Variants in KCNMA1 observed in about 807,000 individuals in gnomAD.
KCNMA1 encodes Calcium-activated potassium channel subunit alpha-1.
KCNMA1 carries 29 observed loss-of-function variants against 140.0 expected under a neutral mutation model. That is an observed-to-expected ratio of 0.21 (90% CI 0.15 to 0.28). The LOEUF (loss-of-function observed/expected upper bound fraction) is 0.28, where lower values mean the gene tolerates loss of function less well. Ranked by LOEUF, KCNMA1 falls within the 10% of genes least tolerant of loss-of-function variation. The pLI, the probability that KCNMA1 is intolerant of heterozygous loss-of-function variation, is 1.00. For synonymous variants in KCNMA1, 612 were observed against 611.9 expected (o/e 1.00, Z 0.00); for missense variants, 880 against 1,602.2 (o/e 0.55, Z 7.70).
At chr10:77,599,656 A>C (rs1450819018) in intron 1 of KCNMA1, among the ~76,000 whole-genome samples, 1 of 152,240 alleles carries the variant, frequency 6.6e-6, no homozygotes, top group African/African-American at 2.4e-5. Flanking sequence ...ATGTGTGATC[A>C]TGAAGCACCT....
chr10:77,102,174 T>C (rs1242387591), intron 9 of KCNMA1, among the ~76,000 whole-genome samples: 1 of 152,242 alleles, frequency 6.6e-6, no homozygotes, highest in African/African-American at 2.4e-5. Flanking sequence ...CTCGTGTTAA[T>C]TCCTTTAAGG....
chr10:77,524,711 G>A (rs1462686275), intron 1 of KCNMA1, among the ~76,000 whole-genome samples: 2 of 152,086 alleles, frequency 1.3e-5, no homozygotes, highest in East Asian at 3.9e-4. Flanking sequence ...TGGCAGCTCG[G>A]GACTGAGGGA....
intron 1 of KCNMA1, among the ~76,000 whole-genome samples, chr10:77,509,331 C>T (rs1250983935): frequency 1.3e-5 from 2 of 152,128 alleles, no homozygotes; most frequent in African/African-American, 4.8e-5. Context: ...GTTGACCAGG[C>T]TAGTCTCGAA....
At chr10:77,316,216 A>T (rs1023367322) in intron 2 of KCNMA1, among the ~76,000 whole-genome samples, 8 of 152,130 alleles carry the variant, frequency 5.3e-5, no homozygotes, top group African/African-American at 1.9e-4. Context: ...CAACAACACC[A>T]ATTTTGCTGT....
intron 3 of KCNMA1, among the ~76,000 whole-genome samples, chr10:77,225,175 C>T (rs575831617): frequency 1.7e-4 from 26 of 152,260 alleles, no homozygotes; most frequent in African/African-American, 5.8e-4. Flanking sequence ...AGAATGTCAA[C>T]GGGCAGGCAC....
At chr10:77,513,006 C>T (rs1439787) in intron 1 of KCNMA1, among the ~76,000 whole-genome samples, 49,658 of 151,906 alleles carry the variant, frequency 0.33, 9,027 homozygotes, top group East Asian at 0.53. Flanking sequence ...AGATCACACG[C>T]GTGGCTGCCT....
chr10:77,207,747 T>G (rs2044620383), intron 3 of KCNMA1, among the ~76,000 whole-genome samples: 1 of 152,366 alleles, frequency 6.6e-6, no homozygotes, highest in East Asian at 1.9e-4. Context: ...TGATGTATTT[T>G]GTAGAATCCC....
intron 14 of KCNMA1, among the ~76,000 whole-genome samples, chr10:77,069,609 T>C (rs2096109888): frequency 2.6e-5 from 4 of 152,098 alleles, no homozygotes; most frequent in Admixed American, 2.0e-4. Context: ...ATATAAAATA[T>C]AAAAAAGATT....
At chr10:77,273,975 T>G (rs2065922565) in intron 2 of KCNMA1, among the ~76,000 whole-genome samples, 1 of 152,152 alleles carries the variant, frequency 6.6e-6, no homozygotes, top group Non-Finnish European at 1.5e-5. Flanking sequence ...AAGGAGGCAT[T>G]CATGTTTTTG....
At chr10:76,879,576 G>GTT (rs201535633) in intron 29 of KCNMA1, among the ~76,000 whole-genome samples, 1 of 144,414 alleles carries the variant, frequency 6.9e-6, no homozygotes, top group Admixed American at 6.9e-5. Flanking sequence ...GTCAAGCAGA[G>GTT]TTTTTTTTTT....
Position 77,059,859 on chromosome 10 carries a change from G to A in KCNMA1, c.1749+13238C>T, listed in dbSNP as rs146218595. Reference sequence around the variant, plus strand: ...CAATATTCTGCAAGAAGTGCTAGCCGGTACAATATGATTGCCAGGTACAAG... The same window carrying A: ...CAATATTCTGCAAGAAGTGCTAGCCAGTACAATATGATTGCCAGGTACAAG... On this transcript the variant is annotated intron_variant, in intron 14 of 27. Transcript: ENST00000286628. Among the ~76,000 whole-genome samples the A allele has an allele frequency of 2.4e-3, 360 of 152,090 alleles. 1 individual carries two copies. The highest frequency in any genetic ancestry group is 4.9e-3 in the African/African-American group (202 of 41,502).
At chr10:77,131,769 A>C (rs1216949582) in intron 5 of KCNMA1, among the ~76,000 whole-genome samples, 1 of 152,066 alleles carries the variant, frequency 6.6e-6, no homozygotes, top group African/African-American at 2.4e-5. Flanking sequence ...GTTCGAGACC[A>C]GCCTGGCCAA....
At chr10:77,123,136 C>G (rs914191384) in intron 5 of KCNMA1, among the ~76,000 whole-genome samples, 3 of 131,134 alleles carry the variant, frequency 2.3e-5, no homozygotes, top group East Asian at 5.0e-4. Flanking sequence ...GCCGAGATCG[C>G]GCCACTGCAC....
intron 19 of KCNMA1, among the ~76,000 whole-genome samples, chr10:76,983,217 T>C (rs1193997829): frequency 6.6e-6 from 1 of 152,250 alleles, no homozygotes; most frequent in Admixed American, 6.5e-5. Flanking sequence ...AATCCTCTCC[T>C]CCTTGATTTT....
chr10:77,448,057 C>A (rs1218724916), intron 1 of KCNMA1, among the ~76,000 whole-genome samples: 1 of 152,162 alleles, frequency 6.6e-6, no homozygotes, highest in Non-Finnish European at 1.5e-5. Flanking sequence ...TGGGATTTCT[C>A]TCAACTGATT....
chr10:77,437,046 AG>A (rs2097280904), intron 1 of KCNMA1, among the ~76,000 whole-genome samples: 1 of 151,754 alleles, frequency 6.6e-6, no homozygotes, highest in Non-Finnish European at 1.5e-5. Flanking sequence ...GAGAGCCTGG[AG>A]CCATAAGTCT....
chr10:77,068,698 T>TTTTGTGTGTG (rs1555197593), intron 14 of KCNMA1, among the ~76,000 whole-genome samples: 1 of 132,574 alleles, frequency 7.5e-6, no homozygotes, highest in Non-Finnish European at 1.6e-5. Context: ...GTTCCAGGTT[T>TTTTGTGTGTG]TGTGTGTGTG....
At position 77,408,722 on chromosome 10, in the gene KCNMA1, G is replaced by A. The variant is rs570734304; in HGVS notation, c.379-4699C>T. 2.1e-3 allele frequency among the ~76,000 whole-genome samples: 321 copies of A among 152,296 alleles called. 4 individuals carry two copies. Among genetic ancestry groups the A allele is most frequent in the African/African-American group, 7.3e-3 (304 of 41,556 alleles). ...GAGAAAAATGAGAGGTGAGGCCATC[G>A]CGTGGGGAGGCCATCTCAGAAAGAG... is the stretch of plus-strand genomic sequence containing the variant. On this transcript the variant is annotated intron_variant, in intron 1 of 27. Transcript: ENST00000286628.
chr10:77,285,562 G>C (rs999605363), intron 2 of KCNMA1, among the ~76,000 whole-genome samples: 1 of 152,116 alleles, frequency 6.6e-6, no homozygotes, highest in Non-Finnish European at 1.5e-5. Context: ...AGTTTAGGAT[G>C]GTGTTTTGCC....
Sources: gnomAD v4.1 joint callset for allele counts (sites outside exome capture counted in the v4.1 genomes callset) on GRCh38, gnomAD v4.1.1 for gene constraint, MANE v1.5 for transcripts, NCBI Gene and HGNC (gene_info 2026-07-23, HGNC 2026-07-21) for gene names.